Variants in FRMD4A observed in about 807,000 individuals in gnomAD.
FRMD4A encodes the protein FERM domain-containing protein 4A.
Under a neutral mutation model 129.1 loss-of-function variants are expected in FRMD4A, and 29 were observed. The observed-to-expected ratio is 0.22, with a 90% CI of 0.17 to 0.31. FRMD4A has a LOEUF of 0.31. Ranked by LOEUF, FRMD4A falls within the 10% of genes least tolerant of loss-of-function variation. The probability of loss-of-function intolerance (pLI) is 1.00; values close to 1 mark genes in which losing one functional copy is unlikely to be tolerated. For synonymous variants in FRMD4A, 634 were observed against 571.6 expected (o/e 1.11, Z -1.56); for missense variants, 1,272 against 1,375.8 (o/e 0.92, Z 1.19).
chr10:13,784,990 CAAAAA>C (rs35375065), intron 5 of FRMD4A, among the ~76,000 whole-genome samples: 2 of 98,434 alleles, frequency 2.0e-5, no homozygotes, highest in Admixed American at 1.1e-4. Context: ...GACTCTATCT[CAAAAA>C]AAAAAAAAAA....
At chr10:14,284,820 T>A (rs1845632018) in intron 2 of FRMD4A, among the ~76,000 whole-genome samples, 1 of 152,202 alleles carries the variant, frequency 6.6e-6, no homozygotes, top group African/African-American at 2.4e-5. Context: ...CTCATTCGTG[T>A]CTTCCCTTCC....
chr10:14,292,800 A>AG (rs1016362116), intron 2 of FRMD4A, among the ~76,000 whole-genome samples: 6 of 140,756 alleles, frequency 4.3e-5, no homozygotes, highest in African/African-American at 1.9e-4. Flanking sequence ...ACTCTGCCTC[A>AG]AAAAAAAAAC....
chr10:13,935,333 G>T (rs1714879181), intron 2 of FRMD4A, among the ~76,000 whole-genome samples: 1 of 151,340 alleles, frequency 6.6e-6, no homozygotes, highest in African/African-American at 2.4e-5. Flanking sequence ...AGCTACTTAG[G>T]AGGCTGAGGC....
rs147059125 is a variant in FRMD4A at position 13,823,009 on chromosome 10, T to C, written c.112-12101A>G. On this transcript the variant is annotated intron_variant, in intron 3 of 24. Transcript: ENST00000357447. ...CCCCTTTATGCTTTTATTCCCTGGG[T>C]GTCATCTTCTTATTTCCACATAGTT... Among the ~76,000 whole-genome samples, 49 of 152,294 alleles carry C rather than the reference T, an allele frequency of 3.2e-4. No homozygotes were observed. In the East Asian group the frequency reaches 9.1e-3, roughly 28 times the overall value.
intron 2 of FRMD4A, among the ~76,000 whole-genome samples, chr10:14,296,177 G>A (rs953710714): frequency 4.6e-5 from 7 of 152,138 alleles, no homozygotes; most frequent in African/African-American, 1.7e-4. Flanking sequence ...AAAATTTTAA[G>A]CCCTTTATCG....
chr10:13,862,580 A>G (rs545364807), intron 2 of FRMD4A, among the ~76,000 whole-genome samples: 9 of 152,374 alleles, frequency 5.9e-5, no homozygotes, highest in African/African-American at 1.9e-4. Context: ...GAAATTTACA[A>G]ACATGCTCCG....
intron 3 of FRMD4A, among the ~76,000 whole-genome samples, chr10:13,814,559 C>A (rs1370402828): frequency 9.6e-6 from 1 of 103,906 alleles, no homozygotes; most frequent in Non-Finnish European, 1.7e-5. Context: ...CCAGCCTGGG[C>A]GATAGAGTGA....
At chr10:13,732,283 C>T (rs189096988) in intron 12 of FRMD4A, among the ~76,000 whole-genome samples, 8 of 151,762 alleles carry the variant, frequency 5.3e-5, no homozygotes, top group African/African-American at 1.9e-4. Context: ...TCTGGACAGT[C>T]ATCAGCTACT....
At chr10:14,157,155 G>A (rs930050776) in intron 2 of FRMD4A, among the ~76,000 whole-genome samples, 7 of 152,166 alleles carry the variant, frequency 4.6e-5, no homozygotes, top group Admixed American at 2.0e-4. Flanking sequence ...CTCCTTAGGG[G>A]AATAGCCCAT....
At chr10:13,767,795 A>G (rs1414585212) in intron 6 of FRMD4A, among the ~76,000 whole-genome samples, 8 of 152,062 alleles carry the variant, frequency 5.3e-5, no homozygotes, top group Admixed American at 5.2e-4. Flanking sequence ...TCTGCGGTGA[A>G]GCCCCCCGTG....
chr10:14,188,583 A>G lies in FRMD4A; in HGVS notation c.45+141475T>C, dbSNP rs540684364. On this transcript the variant is annotated intron_variant, in intron 2 of 24. Transcript: ENST00000357447. ...GCCAAGACCCAATGTCCATTACTTA[A>G]TAAGCCCTCAATAGACATTAGCTTT... is the stretch of plus-strand genomic sequence containing the variant. 1.4e-4 allele frequency among the ~76,000 whole-genome samples: 21 copies of G among 152,286 alleles called. No individual in the cohort carries two copies. The South Asian group carries it at 4.4e-3, about 32-fold the overall frequency.
intron 3 of FRMD4A, among the ~76,000 whole-genome samples, chr10:13,838,129 C>T (rs2130963318): frequency 6.6e-6 from 1 of 152,306 alleles, no homozygotes; most frequent in South Asian, 2.1e-4. Flanking sequence ...TGCTCTGTTG[C>T]CCAGGCCTGA....
chr10:14,032,707 C>T (rs1444736143), intron 2 of FRMD4A, among the ~76,000 whole-genome samples: 1 of 152,226 alleles, frequency 6.6e-6, no homozygotes, highest in African/African-American at 2.4e-5. Context: ...CCGTGTCCAC[C>T]ATCACCCCTC....
At chr10:13,833,100 G>C (rs186029022) in intron 3 of FRMD4A, among the ~76,000 whole-genome samples, 2 of 152,290 alleles carry the variant, frequency 1.3e-5, no homozygotes, top group South Asian at 2.1e-4. Context: ...AGGGTGATGG[G>C]TGCCATGGAT....
At chr10:13,864,867 G>A (rs577292194) in intron 2 of FRMD4A, among the ~76,000 whole-genome samples, 152 of 152,246 alleles carry the variant, frequency 1.0e-3, no homozygotes, top group African/African-American at 3.3e-3. Flanking sequence ...GTGAGCCACC[G>A]CACCTGGCCT....
chr10:13,864,061 T>G (rs1005937507), intron 2 of FRMD4A, among the ~76,000 whole-genome samples: 9 of 152,092 alleles, frequency 5.9e-5, no homozygotes, highest in African/African-American at 2.2e-4. Context: ...AGTGGCATGA[T>G]CTCGGCTCAC....
intron 2 of FRMD4A, among the ~76,000 whole-genome samples, chr10:14,302,126 T>G (rs958811794): frequency 5.3e-5 from 8 of 152,226 alleles, no homozygotes; most frequent in African/African-American, 1.9e-4. Context: ...TGAAGTCCCT[T>G]TGTGGATTTC....
At chr10:14,080,841 G>C (rs1835888046) in intron 2 of FRMD4A, among the ~76,000 whole-genome samples, 1 of 151,684 alleles carries the variant, frequency 6.6e-6, no homozygotes, top group Non-Finnish European at 1.5e-5. Context: ...GTCAAAATAA[G>C]GAACTGATCT....
intron 2 of FRMD4A, among the ~76,000 whole-genome samples, chr10:14,113,359 C>T (rs879551650): frequency 1.3e-5 from 2 of 152,148 alleles, no homozygotes; most frequent in Non-Finnish European, 2.9e-5. Flanking sequence ...ATGATCCAGA[C>T]CCACTTCCAC....
Sources: allele counts gnomAD v4.1 joint callset (sites outside exome capture counted in the v4.1 genomes callset), GRCh38; gene constraint gnomAD v4.1.1; transcripts MANE v1.5; gene names NCBI Gene and HGNC (gene_info 2026-07-23, HGNC 2026-07-21).